ALKBH4: variants seen among roughly 807,000 people sequenced by gnomAD.
The protein encoded by ALKBH4 is alpha-ketoglutarate-dependent dioxygenase alkB homolog 4.
A neutral mutation model predicts 12.1 loss-of-function variants in ALKBH4; 8 were observed. That is an observed-to-expected ratio of 0.66 (90% CI 0.39 to 1.19). The LOEUF (loss-of-function observed/expected upper bound fraction) is 1.19. ALKBH4 is among the 50% of genes most tolerant of loss of function. The probability of loss-of-function intolerance (pLI) is 0.01; values close to 1 mark genes in which losing one functional copy is unlikely to be tolerated. For synonymous variants in ALKBH4, 195 were observed against 191.6 expected (o/e 1.02, Z -0.15); for missense variants, 403 against 430.4 (o/e 0.94, Z 0.56).
Position 102,464,851 on chromosome 7 carries a change from G to A in ALKBH4, c.-15C>T, listed in dbSNP as rs764690484. The A allele has an allele frequency of 7.3e-6, 11 of 1,497,128 alleles. No homozygotes were observed. Among genetic ancestry groups the A allele is most frequent in the Middle Eastern group, 1.7e-4 (1 of 5,722 alleles). 92.7% of individuals were successfully genotyped at this position (1,497,128 alleles called of 1,614,324 possible). On this transcript the variant is annotated 5_prime_UTR_variant, in exon 1 of 3. Coordinates refer to ENST00000292566, the MANE Select transcript of ALKBH4 (RefSeq NM_017621.4). ...GCCGCCGCCATCGCGCCGTCCGCGT[G>A]GCCAGTGCGCAGGCGCGGCCGTGGG...
In ALKBH4 at chr7:102,464,811, G is replaced by C. The variant is rs1797901165; in HGVS notation, c.26C>G (p.Pro9Arg). The C allele has an allele frequency of 1.3e-6, 2 of 1,548,042 alleles. No homozygotes were observed. The highest frequency in any genetic ancestry group is 1.7e-6 in the Non-Finnish European group (2 of 1,152,762). The change falls in exon 1 of 3, where the codon CCC becomes CGC. Residue 9 changes from proline to arginine, a missense_variant. Pro to Arg is a moderately radical substitution (Grantham distance 103, BLOSUM62 -2). Transcript: ENST00000292566. Reference sequence around the variant, plus strand: ...GCAACCGCATTCCCGAAGGACTTCGGGGGTCTCGGCGGCAGCCGCCGCCAT... The same window carrying C: ...GCAACCGCATTCCCGAAGGACTTCGCGGGTCTCGGCGGCAGCCGCCGCCAT... MAAAAAET[P>R]EVLRECGCKG...
intron 2 of ALKBH4, 21 bp from the exon 3 acceptor site, chr7:102,458,002 G>A (rs1260118639): frequency 6.4e-7 from 1 of 1,573,216 alleles, no homozygotes; most frequent in Admixed American, 1.8e-5. Context: ...AAGACAAAGA[G>A]GACATGAGGT....
At chr7:102,460,503 G>A (rs77151960) in intron 1 of ALKBH4, among the ~76,000 whole-genome samples, 1 of 152,218 alleles carries the variant, frequency 6.6e-6, no homozygotes, top group African/African-American at 2.4e-5. Flanking sequence ...GCTGACCGGG[G>A]AAGGCCCGCA....
chr7:102,460,235 G>C (rs1797763527), intron 1 of ALKBH4, among the ~76,000 whole-genome samples: 1 of 151,740 alleles, frequency 6.6e-6, no homozygotes, highest in Non-Finnish European at 1.5e-5. Context: ...TGAGGCGGGA[G>C]GATCATTTGA....
Position 102,464,769 on chromosome 7 carries a change from C to G in ALKBH4, c.68G>C (p.Cys23Ser). The change falls in exon 1 of 3, where the codon TGT becomes TCT. Residue 23 changes from cysteine (C) to serine (S), a missense_variant. Transcript: ENST00000292566. Reference protein sequence around the residue: ...RECGCKGIRTCLICERQRGSD... With the variant: ...RECGCKGIRTSLICERQRGSD... ...GCCGCGCTGCCGCTCGCAGATCAGA[C>G]AGGTCCGGATGCCCTTGCAACCGCA... The G allele has an allele frequency of 2.5e-6, 4 of 1,574,320 alleles. No individual in the cohort carries two copies. The highest frequency in any genetic ancestry group is 3.4e-6 in the Non-Finnish European group (4 of 1,163,804).
At chr7:102,460,338 G>GGA (rs1554578612) in intron 1 of ALKBH4, among the ~76,000 whole-genome samples, 1 of 137,004 alleles carries the variant, frequency 7.3e-6, no homozygotes, top group Non-Finnish European at 1.5e-5. Context: ...AAAAAAAAAA[G>GGA]AAAAAAAAAA....
chr7:102,460,578 A>G (rs1174094730), intron 1 of ALKBH4, among the ~76,000 whole-genome samples: 1 of 152,210 alleles, frequency 6.6e-6, no homozygotes, highest in Non-Finnish European at 1.5e-5. Flanking sequence ...GTAAAAGAGA[A>G]GGGTTTGTAC....
At chr7:102,460,712 T>G (rs1797774826) in intron 1 of ALKBH4, among the ~76,000 whole-genome samples, 1 of 152,200 alleles carries the variant, frequency 6.6e-6, no homozygotes, top group Admixed American at 6.5e-5. Flanking sequence ...CCAAACTGCC[T>G]GACTACCTTG....
rs1797687535 is a variant in ALKBH4 at position 102,457,729 on chromosome 7, A to C, written c.574T>G (p.Ser192Ala). Residue 192 changes from serine to alanine, a missense_variant, in exon 3 of 3, where the codon TCC (serine) becomes GCC (alanine). Coordinates refer to ENST00000292566, the MANE Select transcript of ALKBH4 (RefSeq NM_017621.4). The surrounding 1 kb of genome is among the most constrained non-coding windows in gnomAD (Gnocchi z 5.9). ...CTCCCGGGCGCCTCCCGACACATGG[A>C]CAGCACGGTGGGGGACAGGAGGTTG... ...SLNLLSPTVLSMCREAPGSLL... is the reference protein window; with the variant it reads ...SLNLLSPTVLAMCREAPGSLL... The C allele has an allele frequency of 6.4e-7, 1 of 1,569,938 alleles. No individual in the cohort carries two copies. Among genetic ancestry groups the C allele is most frequent in the Admixed American group, 1.8e-5 (1 of 55,830 alleles).
chr7:102,460,685 G>C (rs1409454313), intron 1 of ALKBH4, among the ~76,000 whole-genome samples: 2 of 152,172 alleles, frequency 1.3e-5, no homozygotes, highest in Non-Finnish European at 2.9e-5. Context: ...CATCTCCTCA[G>C]CTGCTTCCAG....
chr7:102,461,821 C>T (rs1290219049), intron 1 of ALKBH4, among the ~76,000 whole-genome samples: 1 of 152,156 alleles, frequency 6.6e-6, no homozygotes, highest in Non-Finnish European at 1.5e-5. Flanking sequence ...AGGTTCTGGC[C>T]GGAGTCACCC....
At chr7:102,460,338 G>GAA (rs56249986) in intron 1 of ALKBH4, among the ~76,000 whole-genome samples, 105 of 136,964 alleles carry the variant, frequency 7.7e-4, no homozygotes, top group Non-Finnish European at 9.1e-4. Flanking sequence ...AAAAAAAAAA[G>GAA]AAAAAAAAAA....
At chr7:102,458,087 C>T (rs1483045131) in intron 2 of ALKBH4, 106 bp from the exon 3 acceptor site, 3 of 1,159,426 alleles carry the variant, frequency 2.6e-6, no homozygotes, top group Admixed American at 5.6e-5. Context: ...CAAGCAAAAG[C>T]CCCCTGGCTT....
chr7:102,457,296 G>T lies in ALKBH4; in HGVS notation c.*98C>A. ...ACACTGCTCACAGCATCAGGGGTCA[G>T]CCATCTTCTCTTGAAACCCCGTGAG... On this transcript the variant is annotated 3_prime_UTR_variant, in exon 3 of 3. Transcript: ENST00000292566. The surrounding 1 kb of genome is among the most constrained non-coding windows in gnomAD (Gnocchi z 5.9). The T allele has an allele frequency of 1.5e-6, 2 of 1,369,638 alleles. No homozygotes were observed. The highest frequency in any genetic ancestry group is 2.0e-6 in the Non-Finnish European group (2 of 989,798). 84.8% of individuals were successfully genotyped at this position (1,369,638 alleles called of 1,614,324 possible).
chr7:102,457,568 G>C lies in ALKBH4; in HGVS notation c.735C>G (p.Thr245=). 6.2e-7 allele frequency: 1 copy of C among 1,609,740 alleles called. No homozygotes were observed. Among genetic ancestry groups the C allele is most frequent in the Non-Finnish European group, 8.5e-7 (1 of 1,179,714 alleles). ...PLPARSLLVL[T]GAARHQWKHA... Reference sequence around the variant, plus strand: ...GCTTCCACTGGTGCCGTGCCGCCCCGGTGAGGACCAGCAGGGAGCGGGCGG... The same window carrying C: ...GCTTCCACTGGTGCCGTGCCGCCCCCGTGAGGACCAGCAGGGAGCGGGCGG... Residue 245 remains threonine, a synonymous_variant, in exon 3 of 3, where the codon ACC becomes ACG. Transcript: ENST00000292566. The surrounding 1 kb of genome is among the most constrained non-coding windows in gnomAD (Gnocchi z 5.9).
intron 1 of ALKBH4, 55 bp from the exon 2 acceptor site, chr7:102,459,856 A>G (rs1797752920): frequency 2.0e-6 from 3 of 1,509,214 alleles, no homozygotes; most frequent in African/African-American, 1.4e-5. Flanking sequence ...CCCGGTCCCT[A>G]CGAAAAGTTA....
At chr7:102,458,724 G>A (rs1442266407) in intron 2 of ALKBH4, among the ~76,000 whole-genome samples, 7 of 122,590 alleles carry the variant, frequency 5.7e-5, no homozygotes, top group Non-Finnish European at 8.3e-5. Context: ...GCGACAGAGC[G>A]AGACCCTGTC....
intron 2 of ALKBH4, 61 bp from the exon 3 acceptor site, chr7:102,458,042 A>T: frequency 6.8e-7 from 1 of 1,478,022 alleles, no homozygotes. Flanking sequence ...TCTACCACAG[A>T]CTAGGTGGGA....
chr7:102,463,322 CTTTTTT>C (rs71106683), intron 1 of ALKBH4, among the ~76,000 whole-genome samples: 10 of 58,284 alleles, frequency 1.7e-4, no homozygotes, highest in Non-Finnish European at 2.3e-4. Context: ...CAAGTCATCT[CTTTTTT>C]TTTTTTTTTT....
Sources: gnomAD v4.1 joint callset for allele counts (sites outside exome capture counted in the v4.1 genomes callset) on GRCh38, gnomAD v4.1.1 for gene constraint, Gnocchi (gnomAD v3.1) non-coding constraint, MANE v1.5 for transcripts, NCBI Gene and HGNC (gene_info 2026-07-23, HGNC 2026-07-21) for gene names.